The following NECAB1 variants were observed in gnomAD, a reference collection of about 807,000 sequenced individuals.
The protein encoded by NECAB1 is N-terminal EF-hand calcium-binding protein 1.
A neutral mutation model predicts 57.5 loss-of-function variants in NECAB1; 29 were observed. The observed-to-expected ratio is 0.50, with a 90% CI of 0.38 to 0.69. The LOEUF is 0.69. Ranked by LOEUF, NECAB1 falls within the 30% of genes least tolerant of loss-of-function variation. NECAB1 has a pLI of 0.00. For missense variants in NECAB1, 372 were observed against 413.8 expected, an observed-to-expected ratio of 0.90 and a Z score of 0.88; for synonymous variants, 142 against 147.7, an observed-to-expected ratio of 0.96 and a Z score of 0.28.
At chr8:90,940,675 T>C (rs958404072) in intron 9 of NECAB1, 111 bp from the exon 10 acceptor site, 3 of 745,640 alleles carry the variant, frequency 4.0e-6, no homozygotes, top group African/African-American at 3.5e-5. Context: ...GGTCATATTT[T>C]TGGATGACAA....
intron 6 of NECAB1, among the ~76,000 whole-genome samples, chr8:90,917,906 A>G (rs915411107): frequency 5.6e-5 from 6 of 106,882 alleles, no homozygotes; most frequent in African/African-American, 1.2e-4. Context: ...GTCTGTGTGT[A>G]TATATATACA....
At chr8:90,856,814 G>A (rs1319248136) in intron 3 of NECAB1, among the ~76,000 whole-genome samples, 1 of 152,170 alleles carries the variant, frequency 6.6e-6, no homozygotes, top group African/African-American at 2.4e-5. Flanking sequence ...CACGTATCAA[G>A]GTAGCTTAGT....
intron 5 of NECAB1, among the ~76,000 whole-genome samples, chr8:90,881,964 C>G (rs1052037517): frequency 1.3e-5 from 2 of 152,218 alleles, no homozygotes; most frequent in Non-Finnish European, 2.9e-5. Context: ...GGTCACAGGA[C>G]ACTCTAGGAA....
At chr8:90,887,356 T>G (rs1237300822) in intron 5 of NECAB1, among the ~76,000 whole-genome samples, 2 of 152,208 alleles carry the variant, frequency 1.3e-5, no homozygotes, top group East Asian at 3.8e-4. Flanking sequence ...TGACTTACAC[T>G]TTAGAACTTG....
intron 6 of NECAB1, among the ~76,000 whole-genome samples, chr8:90,920,377 C>A (rs555991135): frequency 6.6e-6 from 1 of 152,348 alleles, no homozygotes; most frequent in Non-Finnish European, 1.5e-5. Flanking sequence ...TGTGTCTCCT[C>A]TCCCAAGGCT....
chr8:90,872,008 T>G (rs1808629601), intron 3 of NECAB1, 120 bp from the exon 4 acceptor site: 8 of 730,458 alleles, frequency 1.1e-5, no homozygotes, highest in Non-Finnish European at 1.6e-5. Flanking sequence ...AGAAATACCT[T>G]AACTACATAC....
chr8:90,867,058 C>T (rs1808530021), intron 3 of NECAB1, among the ~76,000 whole-genome samples: 1 of 152,168 alleles, frequency 6.6e-6, no homozygotes, highest in Non-Finnish European at 1.5e-5. Context: ...TACTAGAATT[C>T]ATCCATGTAA....
At position 90,827,451 on chromosome 8, in the gene NECAB1, G is replaced by A. The variant is rs185940213; in HGVS notation, c.233+2626G>A. On this transcript the variant is annotated intron_variant, in intron 3 of 12. Coordinates refer to ENST00000417640, the MANE Select transcript of NECAB1 (RefSeq NM_022351.5). ...ATGTCTGGAGTTGTGACTTCACTTT[G>A]GAGTCCATTAAATTGGTATCTCCCT... 2.2e-4 allele frequency among the ~76,000 whole-genome samples: 33 copies of A among 152,052 alleles called. No homozygotes were observed. In the East Asian group the frequency reaches 6.4e-3, roughly 30 times the overall value.
chr8:90,889,997 G>T (rs552057803), intron 5 of NECAB1, among the ~76,000 whole-genome samples: 26 of 152,090 alleles, frequency 1.7e-4, no homozygotes, highest in African/African-American at 5.8e-4. Flanking sequence ...TGGAGTGGTG[G>T]AAGAAAATCT....
chr8:90,949,126 A>C (rs1810871071), intron 10 of NECAB1, among the ~76,000 whole-genome samples: 1 of 149,668 alleles, frequency 6.7e-6, no homozygotes, highest in African/African-American at 2.5e-5. Flanking sequence ...CTCAAACTTC[A>C]TCCAGAGACA....
At chr8:90,823,431 A>G (rs1812177197) in intron 2 of NECAB1, among the ~76,000 whole-genome samples, 1 of 151,832 alleles carries the variant, frequency 6.6e-6, no homozygotes, top group Non-Finnish European at 1.5e-5. Flanking sequence ...TCTGAAAAAA[A>G]TAAGTAATTC....
intron 6 of NECAB1, among the ~76,000 whole-genome samples, chr8:90,922,967 A>G (rs1274820513): frequency 6.6e-6 from 1 of 152,218 alleles, no homozygotes; most frequent in African/African-American, 2.4e-5. Flanking sequence ...AGAAGAGCCA[A>G]AGGGACAGAA....
chr8:90,896,327 G>C (rs949001230), intron 5 of NECAB1, among the ~76,000 whole-genome samples: 1 of 152,168 alleles, frequency 6.6e-6, no homozygotes, highest in African/African-American at 2.4e-5. Flanking sequence ...TATGTCGGCC[G>C]GGCGAGGTGG....
At chr8:90,805,398 C>CT (rs1286024991) in intron 2 of NECAB1, among the ~76,000 whole-genome samples, 1 of 130,914 alleles carries the variant, frequency 7.6e-6, no homozygotes, top group Non-Finnish European at 1.6e-5. Flanking sequence ...CTTTTGGAAT[C>CT]TATCTGACAT....
chr8:90,867,945 C>A (rs989646917), intron 3 of NECAB1, among the ~76,000 whole-genome samples: 3 of 152,078 alleles, frequency 2.0e-5, no homozygotes, highest in African/African-American at 7.2e-5. Flanking sequence ...TTATAATCCC[C>A]AATGTTGGGA....
chr8:90,952,016 C>A (rs1483965691), intron 12 of NECAB1, among the ~76,000 whole-genome samples: 1 of 152,056 alleles, frequency 6.6e-6, no homozygotes, highest in Non-Finnish European at 1.5e-5. Context: ...ATAAAACTTA[C>A]AGTACAAGTG....
intron 12 of NECAB1, among the ~76,000 whole-genome samples, chr8:90,952,230 A>C: frequency 6.6e-6 from 1 of 152,046 alleles, no homozygotes; most frequent in East Asian, 1.9e-4. Flanking sequence ...AGAAAAAAAA[A>C]AAAACCTGCA....
chr8:90,829,874 G>A (rs952189751), intron 3 of NECAB1, among the ~76,000 whole-genome samples: 2 of 152,022 alleles, frequency 1.3e-5, no homozygotes, highest in African/African-American at 4.8e-5. Flanking sequence ...TTTATGACAA[G>A]TCTTTCTAAT....
At chr8:90,846,933 G>A (rs1046618483) in intron 3 of NECAB1, among the ~76,000 whole-genome samples, 2 of 152,232 alleles carry the variant, frequency 1.3e-5, no homozygotes, top group Middle Eastern at 3.4e-3. Context: ...TTTGGGTGGG[G>A]ACACAGCCAA....
Sources: allele counts gnomAD v4.1 joint callset (sites outside exome capture counted in the v4.1 genomes callset), GRCh38; gene constraint gnomAD v4.1.1; transcripts MANE v1.5; gene names NCBI Gene and HGNC (gene_info 2026-07-23, HGNC 2026-07-21).